TMEM165: variants seen among roughly 807,000 people sequenced by gnomAD.
TMEM165 encodes the protein transmembrane protein 165, also known as putative divalent cation/proton antiporter TMEM165.
TMEM165 carries 19 observed loss-of-function variants against 30.0 expected under a neutral mutation model. The ratio of observed to expected loss-of-function variants is 0.63; its 90% CI spans 0.44 to 0.93. The LOEUF is 0.93. Ranked by LOEUF, TMEM165 falls within the 40% of genes least tolerant of loss-of-function variation. The pLI is 0.00. For missense variants in TMEM165, 340 were observed against 417.0 expected, an observed-to-expected ratio of 0.82 and a Z score of 1.61; for synonymous variants, 168 against 162.9, an observed-to-expected ratio of 1.03 and a Z score of -0.24.
At position 55,425,521 on chromosome 4, in the gene TMEM165, A is replaced by G; in HGVS notation, c.*69A>G. The G allele has an allele frequency of 3.2e-6, 4 of 1,254,348 alleles. No individual in the cohort carries two copies. The highest frequency in any genetic ancestry group is 4.6e-6 in the Non-Finnish European group (4 of 868,400). The allele number at this position is 1,254,348 out of a possible 1,614,324, so 77.7% of individuals were successfully genotyped here. On this transcript the variant is annotated 3_prime_UTR_variant, in exon 6 of 6. Coordinates refer to ENST00000381334, the MANE Select transcript of TMEM165 (RefSeq NM_018475.5). ...TATCTTTCTGTACATAGTGTACATT[A>G]CAACTAAAAGTGATGGAAAAATACT...
intron 1 of TMEM165, among the ~76,000 whole-genome samples, chr4:55,400,258 A>AATATATAATATATAATATAATATATATT (rs1560385797): frequency 4.4e-4 from 14 of 31,848 alleles, no homozygotes; most frequent in African/African-American, 1.3e-3. Flanking sequence ...ATATTATATT[A>AATATATAATATATAATATAATATATATT]ATATATAATA....
chr4:55,452,813 T>C (rs1014339069), exon 4 of TMEM165: 9 of 386,142 alleles, frequency 2.3e-5, no homozygotes, highest in Admixed American at 1.2e-4. Flanking sequence ...CAGAGACTAG[T>C]ACATCACTGG....
chr4:55,426,571 A>G (rs1369725366), downstream of TMEM165, among the ~76,000 whole-genome samples: 2 of 152,248 alleles, frequency 1.3e-5, no homozygotes, highest in African/African-American at 4.8e-5. Context: ...TTTATATTCT[A>G]GAATCATATG....
At chr4:55,446,257 C>T (rs554525905) in intron 3 of TMEM165, among the ~76,000 whole-genome samples, 16 of 152,108 alleles carry the variant, frequency 1.1e-4, no homozygotes, top group African/African-American at 3.9e-4. Context: ...CCATGCCCGG[C>T]TAATGTTTTT....
At chr4:55,404,013 TTTCC>T (rs753945175) in intron 1 of TMEM165, among the ~76,000 whole-genome samples, 146 of 151,340 alleles carry the variant, frequency 9.6e-4, no homozygotes, top group Middle Eastern at 3.4e-3. Context: ...TTTCGTTTTC[TTTCC>T]TTCCTTCCTT....
At chr4:55,425,155 A>C (rs1262428224) in intron 5 of TMEM165, among the ~76,000 whole-genome samples, 1 of 152,198 alleles carries the variant, frequency 6.6e-6, no homozygotes, top group Non-Finnish European at 1.5e-5. Context: ...TCATTTCTCA[A>C]AACAGTGCTG....
In TMEM165 at chr4:55,453,015, G is replaced by C. The variant is rs372745916; in HGVS notation, c.*709G>C. 1,046 of 1,383,144 alleles carry C rather than the reference G, an allele frequency of 7.6e-4. 3 individuals are homozygous for C. The highest frequency in any genetic ancestry group is 9.3e-4 in the Non-Finnish European group (927 of 992,792). 85.7% of individuals were successfully genotyped at this position (1,383,144 alleles called of 1,614,324 possible). On this transcript the variant is annotated 3_prime_UTR_variant, in exon 4 of 4. Coordinates refer to the TMEM165 transcript ENST00000608091. ...ATTGAGTTTCATCTTTTATTGGGGAGAAATTAAAAATAATTTTTTTTAATT... is the reference window on the plus strand; with the variant it reads ...ATTGAGTTTCATCTTTTATTGGGGACAAATTAAAAATAATTTTTTTTAATT...
At chr4:55,436,070 GGCT>G (rs1456455071) in intron 3 of TMEM165, among the ~76,000 whole-genome samples, 4 of 152,084 alleles carry the variant, frequency 2.6e-5, no homozygotes, top group Non-Finnish European at 5.9e-5. Context: ...TTCAAACTTG[GGCT>G]GCCCTACTTA....
Position 55,411,659 on chromosome 4 carries a change from C to CCTG in TMEM165, c.256_258dup (p.Ala86dup). ...TCCAGTTCATACCAATAAAGAAGAT[C>CCTG]CTGCTACCCAAACTAATTTGGGATT... On this transcript the variant is annotated inframe_insertion, in exon 2 of 6. Coordinates refer to ENST00000381334, the MANE Select transcript of TMEM165 (RefSeq NM_018475.5). 1 of 1,614,062 alleles carries CCTG rather than the reference C, an allele frequency of 6.2e-7. No individual in the cohort carries two copies. The highest frequency in any genetic ancestry group is 1.7e-5 in the Admixed American group (1 of 60,018).
At position 55,414,104 on chromosome 4, in the gene TMEM165, T is replaced by G. The variant is rs577688862; in HGVS notation, c.433+2265T>G. ...TAACACGGTGAAACCCCGTCTCTAC[T>G]AAAAAAATCCAAAAAACTAGCCAGG... On this transcript the variant is annotated intron_variant, in intron 2 of 5. Coordinates refer to ENST00000381334, the MANE Select transcript of TMEM165 (RefSeq NM_018475.5). Among the ~76,000 whole-genome samples, 25 of 152,144 alleles carry G rather than the reference T, an allele frequency of 1.6e-4. No homozygotes were observed. The East Asian group carries it at 4.8e-3, about 29-fold the overall frequency.
In TMEM165 at chr4:55,441,900, T is replaced by G. The variant is rs147561673; in HGVS notation, c.409-10339T>G. On this transcript the variant is annotated intron_variant, in intron 3 of 3. Transcript: ENST00000608091. ...TGAAATGAAGACACCAAGGTCTGTG[T>G]TCAGAGTTCCCTTCCTCATCACCTT... is the stretch of plus-strand genomic sequence containing the variant. Among the ~76,000 whole-genome samples the G allele has an allele frequency of 1.1e-4, 16 of 152,326 alleles. No individual in the cohort carries two copies. The East Asian group carries it at 3.1e-3, about 29-fold the overall frequency.
chr4:55,399,080 A>T (rs969808434), intron 1 of TMEM165: 1 of 152,206 alleles, frequency 6.6e-6, no homozygotes, highest in African/African-American at 2.4e-5. Flanking sequence ...CGGGACTCTT[A>T]TAAAGTTTTT....
intron 1 of TMEM165, among the ~76,000 whole-genome samples, chr4:55,408,712 A>T (rs1721371593): frequency 6.6e-6 from 1 of 152,194 alleles, no homozygotes; most frequent in Non-Finnish European, 1.5e-5. Context: ...GGGAATTATA[A>T]AACCATGAGA....
chr4:55,433,437 C>A (rs534483496), intron 3 of TMEM165: 10 of 152,546 alleles, frequency 6.6e-5, no homozygotes, highest in African/African-American at 2.4e-4. Context: ...AAAGTATATG[C>A]CTTAAGGATA....
At chr4:55,448,599 CGCGTGTGTGTGTGTGTGTGTGTGTGT>C (rs1724122618) in intron 3 of TMEM165, among the ~76,000 whole-genome samples, 1 of 105,592 alleles carries the variant, frequency 9.5e-6, no homozygotes, top group African/African-American at 3.4e-5. Flanking sequence ...CGCGCACGCG[CGCGTGTGTGTGTGTGTGTGTGTGTGT>C]GTGTGTGTGT....
intron 2 of TMEM165, chr4:55,415,854 T>C (rs1383851060): frequency 6.6e-6 from 1 of 152,000 alleles, no homozygotes; most frequent in Non-Finnish European, 1.5e-5. Flanking sequence ...TATTTTTCTT[T>C]CTTTCTTTTT....
chr4:55,438,538 C>A, intron 3 of TMEM165: 1 of 1,613,122 alleles, frequency 6.2e-7, no homozygotes, highest in Non-Finnish European at 8.5e-7. Context: ...TTGAGAAAAT[C>A]TGTTAGAAGA....
chr4:55,420,902 C>G (rs1271447759), intron 4 of TMEM165, among the ~76,000 whole-genome samples: 1 of 148,348 alleles, frequency 6.7e-6, no homozygotes, highest in Non-Finnish European at 1.5e-5. Context: ...TTTGTTTTTT[C>G]TTTTTAAGAC....
At chr4:55,440,332 T>A (rs1423928693) in intron 3 of TMEM165, among the ~76,000 whole-genome samples, 1 of 152,192 alleles carries the variant, frequency 6.6e-6, no homozygotes, top group African/African-American at 2.4e-5. Context: ...TTTCCCTGCT[T>A]CCTTTTGCTT....
Sources: allele counts gnomAD v4.1 joint callset (sites outside exome capture counted in the v4.1 genomes callset), GRCh38; gene constraint gnomAD v4.1.1; transcripts MANE v1.5; gene names NCBI Gene and HGNC (gene_info 2026-07-23, HGNC 2026-07-21).